TCEA3: variants seen among roughly 807,000 people sequenced by gnomAD.
TCEA3 encodes transcription elongation factor A protein 3.
TCEA3 carries 36 observed loss-of-function variants against 44.0 expected under a neutral mutation model. That is an observed-to-expected ratio of 0.82 (90% CI 0.63 to 1.08). TCEA3 has a LOEUF of 1.08. Among genes scored for constraint, TCEA3 ranks in the 50% least tolerant of loss-of-function variants. TCEA3 has a pLI of 0.00. For missense variants in TCEA3, 392 were observed against 441.2 expected (o/e 0.89, Z 1.00); for synonymous variants, 162 against 159.7 (o/e 1.01, Z -0.11).
At chr1:23,407,395 T>G (rs1639573312) in intron 5 of TCEA3, among the ~76,000 whole-genome samples, 1 of 152,094 alleles carries the variant, frequency 6.6e-6, no homozygotes, top group Admixed American at 6.6e-5. Context: ...TTTGGTGACA[T>G]CATTCCCGCC....
At chr1:23,397,392 TTAGA>T (rs1639247030) in intron 7 of TCEA3, 149 bp downstream of exon 7, 1 of 647,728 alleles carries the variant, frequency 1.5e-6, no homozygotes, top group Non-Finnish European at 2.7e-6. Context: ...ATAATGAATG[TTAGA>T]TAGAATTAAG....
chr1:23,409,407 A>G (rs1639647467), intron 4 of TCEA3, among the ~76,000 whole-genome samples: 1 of 152,174 alleles, frequency 6.6e-6, no homozygotes, highest in Admixed American at 6.5e-5. Context: ...CATTATTTTT[A>G]TGATATATAA....
chr1:23,398,024 G>T, intron 5 of TCEA3, 69 bp from the exon 6 acceptor site: 3 of 1,548,762 alleles, frequency 1.9e-6, no homozygotes, highest in Non-Finnish European at 2.6e-6. Context: ...CAGCATTCTA[G>T]ATGTCTTGAT....
intron 9 of TCEA3, among the ~76,000 whole-genome samples, chr1:23,386,522 G>A (rs774619722): frequency 1.3e-5 from 2 of 152,052 alleles, no homozygotes; most frequent in African/African-American, 2.4e-5. Flanking sequence ...ACAGGCGTGA[G>A]CCACTGAGCT....
At position 23,388,285 on chromosome 1, in the gene TCEA3, C is replaced by T. The variant is rs967726498; in HGVS notation, c.820-866G>A. Among the ~76,000 whole-genome samples, 162 of 151,546 alleles carry T rather than the reference C, an allele frequency of 1.1e-3. 3 individuals are homozygous for T. Among genetic ancestry groups the T allele is most frequent in the Non-Finnish European group, 3.1e-4 (21 of 67,890 alleles). On this transcript the variant is annotated intron_variant, in intron 8 of 10. Transcript: ENST00000450454. ...CGATCTCGGCTCACTGCAACCTCCA[C>T]CTCCTGGGTTCAAGCGATTCTCCTG... is the stretch of plus-strand genomic sequence containing the variant.
intron 5 of TCEA3, among the ~76,000 whole-genome samples, chr1:23,401,131 C>T (rs1639383946): frequency 6.6e-6 from 1 of 152,112 alleles, no homozygotes; most frequent in South Asian, 2.1e-4. Context: ...GGTGACCTCC[C>T]TGTCCCCCAC....
At chr1:23,424,291 G>A (rs1220713394) in intron 1 of TCEA3, among the ~76,000 whole-genome samples, 3 of 151,948 alleles carry the variant, frequency 2.0e-5, no homozygotes, top group Admixed American at 2.0e-4. Flanking sequence ...AGCTGCCCAG[G>A]GTGAACCCTA....
intron 2 of TCEA3, among the ~76,000 whole-genome samples, chr1:23,418,485 T>C (rs12091726): frequency 0.064 from 9,719 of 152,224 alleles, 1,007 homozygotes; most frequent in African/African-American, 0.22. Flanking sequence ...CTAATTTTTG[T>C]ATCTTTAGTA....
chr1:23,417,426 GCT>G lies in TCEA3; in HGVS notation c.239-38_239-37del, dbSNP rs1220891985. 11 of 1,603,852 alleles carry G rather than the reference GCT, an allele frequency of 6.9e-6. No individual in the cohort carries two copies. The South Asian group carries it at 1.2e-4, about 18-fold the overall frequency. The stretch of plus-strand genomic sequence containing the variant: ...AAGGGTGGCATTGTCCCTCAGCTAA[GCT>G]CTGTCTCAGCAGAACCCAGCATGAC... On this transcript the variant is annotated intron_variant, in intron 3 of 10. Transcript: ENST00000450454.
At chr1:23,417,158 T>G (rs1639916102) in intron 4 of TCEA3, 91 bp downstream of exon 4, 3 of 1,463,898 alleles carry the variant, frequency 2.0e-6, no homozygotes, top group African/African-American at 1.4e-5. Context: ...CTCCCCAGGA[T>G]GAAAGGTTTA....
intron 5 of TCEA3, among the ~76,000 whole-genome samples, chr1:23,408,116 C>T (rs1639598998): frequency 6.6e-6 from 1 of 152,142 alleles, no homozygotes; most frequent in Non-Finnish European, 1.5e-5. Flanking sequence ...TGCCCACCAC[C>T]ATGCCTGGCT....
rs1384654580 is a variant in TCEA3, at chr1:23,417,830, C to G, written c.238+74G>C. 3.6e-6 allele frequency: 5 copies of G among 1,383,358 alleles called. No homozygotes were observed. In the East Asian group the frequency reaches 1.1e-4, roughly 32 times the overall value. 85.7% of individuals were successfully genotyped at this position (1,383,358 alleles called of 1,614,324 possible). A position where few individuals can be genotyped will look rare whatever the true frequency, so the allele number is the denominator to read the frequency against. ...TCAACAGACATACACTGAGTGCTGG[C>G]TATGAGCCAGGCCCAGTCCTGTCCC... is the stretch of plus-strand genomic sequence containing the variant. On this transcript the variant is annotated intron_variant, in intron 3 of 10. Coordinates refer to ENST00000450454, the MANE Select transcript of TCEA3 (RefSeq NM_003196.3).
In TCEA3 at chr1:23,402,388, C is replaced by G. The variant is rs201109490; in HGVS notation, c.444-4433G>C. 1.8e-4 allele frequency among the ~76,000 whole-genome samples: 28 copies of G among 152,262 alleles called. No individual in the cohort carries two copies. In the East Asian group the frequency reaches 5.2e-3, roughly 28 times the overall value. On this transcript the variant is annotated intron_variant, in intron 5 of 10. Transcript: ENST00000450454. ...CCAAAAGCTCACCACAGCCTCCCAG[C>G]CCCTGCACGTCCTGCCCCTACCCAC...
chr1:23,424,655 G>A lies in TCEA3; in HGVS notation c.-22C>T, dbSNP rs775445532. Reference sequence around the variant, plus strand: ...CCATGTTGGCCCGCGACGCCCGGCGGGGCGAGGGGCACAGGGGCAGCAGTA... The same window carrying A: ...CCATGTTGGCCCGCGACGCCCGGCGAGGCGAGGGGCACAGGGGCAGCAGTA... On this transcript the variant is annotated 5_prime_UTR_variant, in exon 1 of 11. Transcript: ENST00000450454. 1.3e-6 allele frequency: 2 copies of A among 1,597,554 alleles called. No homozygotes were observed. The highest frequency in any genetic ancestry group is 1.1e-5 in the South Asian group (1 of 90,646).
At chr1:23,394,634 T>A (rs1639163876) in intron 7 of TCEA3, among the ~76,000 whole-genome samples, 1 of 152,074 alleles carries the variant, frequency 6.6e-6, no homozygotes, top group Admixed American at 6.6e-5. Flanking sequence ...GATTATAGAG[T>A]CCCCTTCCCC....
Position 23,393,962 on chromosome 1 carries a change from T to C in TCEA3, c.736A>G (p.Lys246Glu). The change falls in exon 8 of 11, where the codon AAG becomes GAG. Residue 246 changes from lysine (K) to glutamate (E), a missense_variant. Coordinates refer to ENST00000450454, the MANE Select transcript of TCEA3 (RefSeq NM_003196.3). Reference protein sequence around the residue: ...NRVRSRISNLKDPRNPGLRRN... With the variant: ...NRVRSRISNLEDPRNPGLRRN... The stretch of plus-strand genomic sequence containing the variant: ...CGCAGGCCGGGGTTCCTGGGGTCCT[T>C]GAGGTTGCTTATGCGGCTGCGCACG... 2 of 1,611,550 alleles carry C rather than the reference T, an allele frequency of 1.2e-6. No individual in the cohort carries two copies. The highest frequency in any genetic ancestry group is 1.7e-6 in the Non-Finnish European group (2 of 1,178,086).
intron 4 of TCEA3, chr1:23,411,522 G>T: frequency 4.4e-6 from 1 of 227,704 alleles, no homozygotes. Flanking sequence ...AAAATAATGG[G>T]AGGCGACAAG....
At chr1:23,392,857 C>T (rs1224100856) in intron 8 of TCEA3, among the ~76,000 whole-genome samples, 1 of 152,144 alleles carries the variant, frequency 6.6e-6, no homozygotes, top group Admixed American at 6.5e-5. Flanking sequence ...GGACTGGTTT[C>T]CTGGAAGACA....
intron 9 of TCEA3, 63 bp downstream of exon 9, chr1:23,387,210 A>T (rs1638871346): frequency 6.3e-7 from 1 of 1,575,188 alleles, no homozygotes; most frequent in Admixed American, 1.8e-5. Flanking sequence ...CTTCTCTCTG[A>T]TTTTCCACCT....
Sources: allele counts gnomAD v4.1 joint callset (sites outside exome capture counted in the v4.1 genomes callset), GRCh38; gene constraint gnomAD v4.1.1; transcripts MANE v1.5; gene names NCBI Gene and HGNC (gene_info 2026-07-23, HGNC 2026-07-21).